The following TTC6 variants were observed in gnomAD, a reference collection of about 807,000 sequenced individuals.
TTC6 encodes the protein tetratricopeptide repeat protein 6.
Under a neutral mutation model 210.4 loss-of-function variants are expected in TTC6, and 172 were observed. The ratio of observed to expected loss-of-function variants is 0.82; its 90% CI spans 0.72 to 0.93. The LOEUF (loss-of-function observed/expected upper bound fraction) is 0.93, where lower values mean the gene tolerates loss of function less well. TTC6 is among the 40% of genes least tolerant of loss of function. The probability of loss-of-function intolerance (pLI) is 0.00; values close to 1 mark genes in which losing one functional copy is unlikely to be tolerated. For missense variants in TTC6, 2,414 were observed against 2,318.1 expected, an observed-to-expected ratio of 1.04 and a Z score of -0.85; for synonymous variants, 804 against 819.6, an observed-to-expected ratio of 0.98 and a Z score of 0.32.
At chr14:37,785,791 C>T (rs1313451040) in intron 14 of TTC6, among the ~76,000 whole-genome samples, 1 of 152,168 alleles carries the variant, frequency 6.6e-6, no homozygotes, top group Admixed American at 6.5e-5. Flanking sequence ...TGGTGACATA[C>T]AGATGAGGTT....
intron 30 of TTC6, 48 bp from the exon 33 acceptor site, chr14:37,842,106 AT>A: frequency 4.2e-6 from 6 of 1,427,282 alleles, no homozygotes; most frequent in South Asian, 3.4e-5. Flanking sequence ...AAAAGAGACT[AT>A]TTTTTGAGTG....
intron 28 of TTC6, 108 bp from the exon 31 acceptor site, chr14:37,827,088 A>C: frequency 1.1e-6 from 1 of 908,096 alleles, no homozygotes; most frequent in Non-Finnish European, 1.6e-6. Context: ...TGCACTATAA[A>C]ATTACTCATT....
At chr14:37,745,059 C>T (rs1406171171) in intron 10 of TTC6, among the ~76,000 whole-genome samples, 1 of 151,968 alleles carries the variant, frequency 6.6e-6, no homozygotes, top group Non-Finnish European at 1.5e-5. Context: ...TATGTACGTA[C>T]ATATACATAT....
At chr14:37,671,042 A>G (rs570609912) in intron 1 of TTC6, among the ~76,000 whole-genome samples, 3 of 152,268 alleles carry the variant, frequency 2.0e-5, no homozygotes, top group South Asian at 4.1e-4. Flanking sequence ...CACAGTTTTT[A>G]TGGGTAGTGA....
chr14:37,779,727 G>T (rs1347194123), intron 14 of TTC6, among the ~76,000 whole-genome samples: 1 of 152,086 alleles, frequency 6.6e-6, no homozygotes, highest in Admixed American at 6.6e-5. Flanking sequence ...GGTCTATTCT[G>T]GTTATCTACT....
intron 1 of TTC6, among the ~76,000 whole-genome samples, chr14:37,626,753 G>T (rs2095661002): frequency 6.6e-6 from 1 of 152,120 alleles, no homozygotes; most frequent in Non-Finnish European, 1.5e-5. Flanking sequence ...AGAAAAATCT[G>T]CAACAAAAGC....
intron 1 of TTC6, among the ~76,000 whole-genome samples, chr14:37,663,902 A>G (rs1015546624): frequency 1.3e-5 from 2 of 152,164 alleles, no homozygotes; most frequent in African/African-American, 4.8e-5. Flanking sequence ...TCCCATTCAC[A>G]ATTGCTACAG....
intron 1 of TTC6, among the ~76,000 whole-genome samples, chr14:37,671,946 T>C (rs1007781305): frequency 6.6e-6 from 1 of 152,126 alleles, no homozygotes; most frequent in African/African-American, 2.4e-5. Context: ...TCCACCATGA[T>C]TGTAAGTTTC....
intron 5 of TTC6, among the ~76,000 whole-genome samples, chr14:37,712,484 T>G (rs1021948314): frequency 1.3e-5 from 2 of 152,196 alleles, no homozygotes; most frequent in Non-Finnish European, 2.9e-5. Context: ...ACATCTTGTA[T>G]TTGTCTGTTC....
chr14:37,823,292 A>G (rs2096162226), intron 26 of TTC6, among the ~76,000 whole-genome samples: 1 of 152,164 alleles, frequency 6.6e-6, no homozygotes, highest in Admixed American at 6.5e-5. Context: ...ATCTGATGTA[A>G]GGACTCCCAT....
At chr14:37,669,352 G>T (rs1022619161) in intron 1 of TTC6, among the ~76,000 whole-genome samples, 7 of 152,156 alleles carry the variant, frequency 4.6e-5, no homozygotes, top group African/African-American at 1.7e-4. Flanking sequence ...TAAGTGGCAC[G>T]TGTGCACCTG....
At chr14:37,599,896 C>T (rs531387797) in intron 1 of TTC6, among the ~76,000 whole-genome samples, 158 of 152,268 alleles carry the variant, frequency 1.0e-3, no homozygotes, top group Admixed American at 2.0e-3. Context: ...GCCGTTGTGG[C>T]CCCCGAGTTA....
At chr14:37,720,231 T>G (rs1306199941) in intron 6 of TTC6, among the ~76,000 whole-genome samples, 1 of 152,038 alleles carries the variant, frequency 6.6e-6, no homozygotes, top group Non-Finnish European at 1.5e-5. Flanking sequence ...TGATATATTG[T>G]TTTTGGGAAG....
chr14:37,752,225 A>G (rs1360501602), intron 13 of TTC6, among the ~76,000 whole-genome samples: 1 of 152,096 alleles, frequency 6.6e-6, no homozygotes, highest in Non-Finnish European at 1.5e-5. Context: ...CCAAATTGTT[A>G]TTCCTTACTG....
intron 1 of TTC6, among the ~76,000 whole-genome samples, chr14:37,628,127 C>T (rs1371718748): frequency 2.0e-5 from 3 of 152,142 alleles, no homozygotes; most frequent in African/African-American, 4.8e-5. Flanking sequence ...TGTCCCACCA[C>T]GCCTGGCTAA....
chr14:37,798,365 T>A (rs1429392590), intron 20 of TTC6, among the ~76,000 whole-genome samples: 1 of 145,728 alleles, frequency 6.9e-6, no homozygotes, highest in Non-Finnish European at 1.5e-5. Context: ...TTTTTTTTCA[T>A]AGTTTTTGCT....
chr14:37,796,769 A>C lies in TTC6; in HGVS notation c.3869-18A>C. 6.3e-7 allele frequency: 1 copy of C among 1,588,328 alleles called. No individual in the cohort carries two copies. The highest frequency in any genetic ancestry group is 1.4e-5 in the African/African-American group (1 of 74,030). ...TGATACTTGGCAAAGATATTGATAA[A>C]CTTTCCTTCCCTTTTAGGTCTCAGT... On this transcript the variant is annotated intron_variant, in intron 19 of 30. Coordinates refer to ENST00000553443, the Ensembl canonical transcript of TTC6.
chr14:37,608,551 A>T (rs1002159444), intron 2 of TTC6, among the ~76,000 whole-genome samples: 1 of 152,056 alleles, frequency 6.6e-6, no homozygotes, highest in South Asian at 2.1e-4. Context: ...AAGTGATTCT[A>T]TTGCCTTGGC....
At chr14:37,717,424 A>G (rs1309450422) in intron 6 of TTC6, among the ~76,000 whole-genome samples, 1 of 152,166 alleles carries the variant, frequency 6.6e-6, no homozygotes, top group Non-Finnish European at 1.5e-5. Context: ...GAACAACTCT[A>G]CACATGCATA....
Sources: allele counts gnomAD v4.1 joint callset (sites outside exome capture counted in the v4.1 genomes callset), GRCh38; gene constraint gnomAD v4.1.1; transcripts MANE v1.5; gene names NCBI Gene and HGNC (gene_info 2026-07-23, HGNC 2026-07-21).